Variants in RPH3AL observed in about 807,000 individuals in gnomAD.
RPH3AL encodes the protein rab effector Noc2.
Under a neutral mutation model 43.1 loss-of-function variants are expected in RPH3AL, and 38 were observed. The observed-to-expected ratio is 0.88, with a 90% CI of 0.68 to 1.15. RPH3AL has a LOEUF of 1.15. RPH3AL is among the 50% of genes most tolerant of loss of function. The probability of loss-of-function intolerance (pLI) is 0.00; values close to 1 mark genes in which losing one functional copy is unlikely to be tolerated. For missense variants in RPH3AL, 462 were observed against 423.2 expected (o/e 1.09, Z -0.81); for synonymous variants, 189 against 176.3 (o/e 1.07, Z -0.57).
At chr17:293,453 C>T (rs1031484483) in intron 5 of RPH3AL, among the ~76,000 whole-genome samples, 4 of 150,970 alleles carry the variant, frequency 2.6e-5, no homozygotes, top group East Asian at 2.0e-4. Context: ...GAGATGAAGC[C>T]GCCAGGATGG....
intron 5 of RPH3AL, among the ~76,000 whole-genome samples, chr17:291,852 G>A (rs2043055610): frequency 6.6e-6 from 1 of 152,180 alleles, no homozygotes. Flanking sequence ...ATATGTAGAT[G>A]TGCCTACATC....
At chr17:320,881 C>T (rs1011914228) in intron 4 of RPH3AL, among the ~76,000 whole-genome samples, 6 of 152,242 alleles carry the variant, frequency 3.9e-5, no homozygotes, top group East Asian at 1.9e-4. Flanking sequence ...AGGCGGGGAG[C>T]GGCTCCTGCT....
In RPH3AL at chr17:321,255, C is replaced by T; in HGVS notation, c.221+17G>A. On this transcript the variant is annotated intron_variant, in intron 4 of 9. Coordinates refer to ENST00000331302, the MANE Select transcript of RPH3AL (RefSeq NM_006987.4). ...CCTTGCTGTCCTCCCACTGAGCTGG[C>T]CCCGGCCCCGCCTCACCCGATTCTC... 1.2e-6 allele frequency: 2 copies of T among 1,600,154 alleles called. No homozygotes were observed. Among genetic ancestry groups the T allele is most frequent in the Non-Finnish European group, 1.7e-6 (2 of 1,177,330 alleles).
chr17:330,830 C>T (rs76815225), intron 2 of RPH3AL: 45,581 of 150,766 alleles, frequency 0.3, 7,504 homozygotes, highest in Admixed American at 0.48. Context: ...GAGCTGAGAT[C>T]GCGCCACTAC....
At chr17:330,617 T>A (rs2044728506) in intron 2 of RPH3AL, among the ~76,000 whole-genome samples, 1 of 152,224 alleles carries the variant, frequency 6.6e-6, no homozygotes, top group African/African-American at 2.4e-5. Flanking sequence ...GGCTCACGCC[T>A]GTAATCTCAG....
intron 1 of RPH3AL, among the ~76,000 whole-genome samples, chr17:344,414 C>T (rs1435999184): frequency 7.8e-6 from 1 of 128,940 alleles, no homozygotes; most frequent in Non-Finnish European, 1.7e-5. Flanking sequence ...CATCATCACC[C>T]ACATCATCAT....
chr17:272,916 T>C (rs896839207), intron 6 of RPH3AL, among the ~76,000 whole-genome samples: 21 of 144,484 alleles, frequency 1.5e-4, no homozygotes, highest in African/African-American at 3.8e-4. Context: ...CGACGTGAGA[T>C]CCCAGCAAGG....
At chr17:329,401 T>A (rs1053673369) in intron 2 of RPH3AL, among the ~76,000 whole-genome samples, 1 of 152,060 alleles carries the variant, frequency 6.6e-6, no homozygotes, top group Non-Finnish European at 1.5e-5. Flanking sequence ...GCTTGAACCC[T>A]GGAGGTGGAG....
intron 5 of RPH3AL, among the ~76,000 whole-genome samples, chr17:304,275 C>T (rs774503112): frequency 7.9e-5 from 12 of 151,842 alleles, no homozygotes; most frequent in Admixed American, 1.3e-4. Flanking sequence ...TCCTTGCAAC[C>T]GCCCCCGAGA....
At chr17:311,606 C>T (rs1224763764) in intron 5 of RPH3AL, among the ~76,000 whole-genome samples, 1 of 152,280 alleles carries the variant, frequency 6.6e-6, no homozygotes, top group East Asian at 1.9e-4. Flanking sequence ...TTTTTGGATC[C>T]CCCCAACCCA....
intron 7 of RPH3AL, among the ~76,000 whole-genome samples, chr17:236,072 G>A (rs1011676698): frequency 4.0e-5 from 6 of 150,566 alleles, no homozygotes; most frequent in African/African-American, 1.5e-4. Flanking sequence ...AGCTGGGGTC[G>A]GCCACATGGC....
chr17:310,812 C>T lies in RPH3AL; in HGVS notation c.351+8608G>A, dbSNP rs75958675. 6.5e-3 allele frequency among the ~76,000 whole-genome samples: 983 copies of T among 152,276 alleles called. 11 individuals carry two copies. The highest frequency in any genetic ancestry group is 0.022 in the African/African-American group (915 of 41,526). The stretch of plus-strand genomic sequence containing the variant: ...GAAGGGATGGCATCGTCTCTCCTCC[C>T]AGACACGAGAGAGCCCTGCAGGGGC... On this transcript the variant is annotated intron_variant, in intron 5 of 9. Transcript: ENST00000331302.
intron 6 of RPH3AL, among the ~76,000 whole-genome samples, chr17:250,223 C>T (rs1443857197): frequency 1.5e-5 from 2 of 129,388 alleles, no homozygotes; most frequent in African/African-American, 5.9e-5. Context: ...TAAGCTCTGT[C>T]GCTGCGGGAC....
chr17:235,994 C>G (rs1009778489), intron 7 of RPH3AL, among the ~76,000 whole-genome samples: 1 of 150,290 alleles, frequency 6.7e-6, no homozygotes. Context: ...ACTAACAAGA[C>G]GGGTCCATGG....
chr17:336,498 G>A (rs1260840067), intron 1 of RPH3AL, among the ~76,000 whole-genome samples: 1 of 152,038 alleles, frequency 6.6e-6, no homozygotes, highest in Admixed American at 6.5e-5. Context: ...GCCTGCTCGG[G>A]GCGGCTCCCC....
chr17:320,519 C>G (rs959125981), intron 4 of RPH3AL, among the ~76,000 whole-genome samples: 9 of 151,958 alleles, frequency 5.9e-5, no homozygotes, highest in Non-Finnish European at 1.3e-4. Context: ...TGCCCACGCA[C>G]GGTCCTAGCT....
chr17:295,501 C>G (rs370346027), intron 5 of RPH3AL, among the ~76,000 whole-genome samples: 1 of 67,768 alleles, frequency 1.5e-5, no homozygotes, highest in African/African-American at 6.4e-5. Flanking sequence ...GGGAGGGACA[C>G]AGATGCTGCA....
chr17:275,001 C>T (rs527926230), intron 6 of RPH3AL, among the ~76,000 whole-genome samples: 4 of 152,156 alleles, frequency 2.6e-5, no homozygotes, highest in South Asian at 2.1e-4. Context: ...AAAGAGCAGA[C>T]GTGGTCACGG....
chr17:236,940 C>CCT (rs1267046514), intron 7 of RPH3AL, among the ~76,000 whole-genome samples: 1 of 152,260 alleles, frequency 6.6e-6, no homozygotes, highest in African/African-American at 2.4e-5. Flanking sequence ...CCCTGGTCAG[C>CCT]CTTCCCCTCC....
Sources: gnomAD v4.1 joint callset for allele counts (sites outside exome capture counted in the v4.1 genomes callset) on GRCh38, gnomAD v4.1.1 for gene constraint, MANE v1.5 for transcripts, NCBI Gene and HGNC (gene_info 2026-07-23, HGNC 2026-07-21) for gene names.